BAZ2B: variants seen among roughly 807,000 people sequenced by gnomAD.
The protein encoded by BAZ2B is bromodomain adjacent to zinc finger domain protein 2B.
In BAZ2B, 91 loss-of-function variants were observed where a neutral mutation model predicts 246.0. The ratio of observed to expected loss-of-function variants is 0.37; its 90% confidence interval spans 0.31 to 0.44. The LOEUF (loss-of-function observed/expected upper bound fraction) is 0.44, where lower values mean the gene tolerates loss of function less well. Among genes scored for constraint, BAZ2B ranks in the 20% least tolerant of loss-of-function variants. BAZ2B has a pLI of 1.00. For synonymous variants in BAZ2B, 855 were observed against 860.0 expected (o/e 0.99, Z 0.10); for missense variants, 2,332 against 2,533.7 (o/e 0.92, Z 1.71).
rs2062484973 is a variant in BAZ2B at position 159,385,177 on chromosome 2, C to A, written c.3664G>T (p.Ala1222Ser). ...SVLAFLINELACSKSVVSEID... is the reference protein window; with the variant it reads ...SVLAFLINELSCSKSVVSEID... ...CACCTGACCACACTCTTGCTGCATG[C>A]CAGTTCATTGATCAGGAAAGCCAGG... is the stretch of plus-strand genomic sequence containing the variant. Residue 1222 changes from alanine to serine, a missense_variant, in exon 23 of 37, where the codon GCA becomes TCA. Physicochemically the swap from Ala to Ser is moderately conservative, Grantham distance 99. Around this residue, in one of 9 missense-constraint regions of BAZ2B, gnomAD observed 328 missense variants for 410.4 expected, o/e 0.80. Coordinates refer to ENST00000392783, the MANE Select transcript of BAZ2B (RefSeq NM_013450.4). 1 of 1,613,246 alleles carries A rather than the reference C, an allele frequency of 6.2e-7. No individual in the cohort carries two copies. Among genetic ancestry groups the A allele is most frequent in the African/African-American group, 1.3e-5 (1 of 74,872 alleles).
At chr2:159,710,451 A>G in the BAZ2B span, among the ~76,000 whole-genome samples, 4 of 152,006 alleles carry the variant, frequency 2.6e-5, no homozygotes, top group Non-Finnish European at 4.4e-5. Flanking sequence ...CTCGTGATCC[A>G]CCCACCTTGG....
chr2:159,324,200 C>T (rs577931156), intron 36 of BAZ2B, among the ~76,000 whole-genome samples: 22 of 152,052 alleles, frequency 1.4e-4, no homozygotes, highest in African/African-American at 5.3e-4. Flanking sequence ...ATCAGGAAAG[C>T]CTCCCAAAGT....
intron 1 of BAZ2B, among the ~76,000 whole-genome samples, chr2:159,611,854 G>T (rs1025939770): frequency 6.6e-6 from 1 of 151,562 alleles, no homozygotes; most frequent in African/African-American, 2.4e-5. Flanking sequence ...TCTGTGTTGG[G>T]ATTATCACTT....
intron 10 of BAZ2B, among the ~76,000 whole-genome samples, chr2:159,429,640 C>T (rs2070707974): frequency 6.6e-6 from 1 of 152,020 alleles, no homozygotes; most frequent in South Asian, 2.1e-4. Context: ...TGAAAAATTT[C>T]AACAGCTGGC....
the BAZ2B span, among the ~76,000 whole-genome samples, chr2:159,653,637 G>C: frequency 6.6e-6 from 1 of 152,138 alleles, no homozygotes; most frequent in African/African-American, 2.4e-5. Flanking sequence ...TGGCTTATAT[G>C]ATACGTGATG....
In BAZ2B at chr2:159,324,918, T is replaced by C. The variant is rs371273841; in HGVS notation, c.6246A>G (p.Ala2082=). ...AGTTTACAGGAAGTAGAAAAGGCCA[T>C]GCATCCTCATGAGTTTCCATTTCAG... ...ILTEMETHED[A]WPFLLPVNLK... The change falls in exon 36 of 37, where the codon GCA becomes GCG. Residue 2082 remains alanine (A), a synonymous_variant. Coordinates refer to ENST00000392783, the MANE Select transcript of BAZ2B (RefSeq NM_013450.4). The C allele has an allele frequency of 7.7e-5, 120 of 1,554,718 alleles. No individual in the cohort carries two copies. The African/African-American group carries it at 1.1e-3, about 14-fold the overall frequency.
In BAZ2B at chr2:159,462,706, T is replaced by C. The variant is rs538923805; in HGVS notation, c.146-8905A>G. 4 of 1,376,766 alleles carry C rather than the reference T, an allele frequency of 2.9e-6. No individual in the cohort carries two copies. In the South Asian group the frequency reaches 3.5e-5, roughly 12 times the overall value. 85.3% of individuals were successfully genotyped at this position (1,376,766 alleles called of 1,614,324 possible). A position where few individuals can be genotyped will look rare whatever the true frequency, so the allele number is the denominator to read the frequency against. On this transcript the variant is annotated intron_variant, in intron 3 of 36. Coordinates refer to ENST00000392783, the MANE Select transcript of BAZ2B (RefSeq NM_013450.4). ...GCACTCCAACCACCTGGGCTGTAGG[T>C]GGTGTGATGGTAAACTTCCACTCTG...
chr2:159,686,456 G>A, the BAZ2B span, among the ~76,000 whole-genome samples: 4,537 of 152,118 alleles, frequency 0.03, 106 homozygotes, highest in Non-Finnish European at 0.047. Flanking sequence ...AAACCAAAAC[G>A]GAAAAACAGC....
intron 1 of BAZ2B, among the ~76,000 whole-genome samples, chr2:159,558,477 C>T (rs191086315): frequency 7.4e-4 from 113 of 152,180 alleles, no homozygotes; most frequent in Middle Eastern, 3.4e-3. Context: ...TCAGGCTGGT[C>T]TTGAACTCCT....
intron 27 of BAZ2B, among the ~76,000 whole-genome samples, chr2:159,366,717 C>G (rs187613653): frequency 1.3e-4 from 20 of 152,278 alleles, no homozygotes; most frequent in Non-Finnish European, 2.2e-4. Flanking sequence ...TAGCTTTGGA[C>G]TTTTTGTTGG....
At chr2:159,686,311 A>G in the BAZ2B span, among the ~76,000 whole-genome samples, 2 of 152,202 alleles carry the variant, frequency 1.3e-5, no homozygotes, top group Non-Finnish European at 2.9e-5. Context: ...TAAGATATCA[A>G]GGTTTACCTC....
rs763353415 is a variant in BAZ2B at position 159,337,623 on chromosome 2, G to A, written c.5604C>T (p.Asn1868=). 1.8e-5 allele frequency: 29 copies of A among 1,614,070 alleles called. No individual in the cohort carries two copies. The highest frequency in any genetic ancestry group is 2.3e-5 in the Non-Finnish European group (27 of 1,180,028). ...SAHALERKSD[N]PLDIAVTRLA... ...GCCTGGTTACAGCTATATCTAGGGG[G>A]TTGTCACTCTTCCGTTCTAGTGCAT... Residue 1868 remains asparagine, a synonymous_variant, in exon 32 of 37, where the codon AAC becomes AAT. Coordinates refer to ENST00000392783, the MANE Select transcript of BAZ2B (RefSeq NM_013450.4).
chr2:159,371,696 G>T (rs1375883123), intron 27 of BAZ2B, among the ~76,000 whole-genome samples: 1 of 152,174 alleles, frequency 6.6e-6, no homozygotes, highest in Non-Finnish European at 1.5e-5. Flanking sequence ...CTATTTTAGT[G>T]TAATTCCCCT....
At chr2:159,666,907 C>T in the BAZ2B span, among the ~76,000 whole-genome samples, 4 of 151,842 alleles carry the variant, frequency 2.6e-5, no homozygotes, top group Admixed American at 2.0e-4. Flanking sequence ...GAGAGGGGAA[C>T]ATCACACACC....
At chr2:159,412,627 A>T (rs2066999385) in intron 13 of BAZ2B, 82 bp from the exon 14 acceptor site, 1 of 1,338,586 alleles carries the variant, frequency 7.5e-7, no homozygotes. Context: ...ATTCTAGCTA[A>T]AAATCACATA....
chr2:159,484,421 T>A (rs141240670), intron 2 of BAZ2B, among the ~76,000 whole-genome samples: 2 of 152,210 alleles, frequency 1.3e-5, no homozygotes, highest in Admixed American at 6.5e-5. Flanking sequence ...ACACTGATAA[T>A]GTATCACATG....
intron 1 of BAZ2B, among the ~76,000 whole-genome samples, chr2:159,578,689 A>T (rs1388697854): frequency 6.6e-6 from 1 of 152,214 alleles, no homozygotes; most frequent in African/African-American, 2.4e-5. Flanking sequence ...AGCACTCCTC[A>T]GCAAATGTAA....
chr2:159,462,124 G>A (rs1310880220), intron 3 of BAZ2B: 6 of 308,134 alleles, frequency 1.9e-5, no homozygotes, highest in Non-Finnish European at 3.6e-5. Flanking sequence ...ATGTCTCTAG[G>A]ATAGATCTCT....
At chr2:159,414,235 TAGAG>T (rs1014880449) in intron 13 of BAZ2B, among the ~76,000 whole-genome samples, 2 of 152,132 alleles carry the variant, frequency 1.3e-5, no homozygotes, top group Admixed American at 1.3e-4. Flanking sequence ...TCAACAGAGA[TAGAG>T]AGCAGAATGA....
Sources: gnomAD v4.1 joint callset for allele counts (sites outside exome capture counted in the v4.1 genomes callset) on GRCh38, gnomAD v4.1.1 for gene constraint, gnomAD v4.1.1 regional missense constraint, MANE v1.5 for transcripts, NCBI Gene and HGNC (gene_info 2026-07-23, HGNC 2026-07-21) for gene names.